Variants in POLR3B observed in about 807,000 individuals in gnomAD.
The protein encoded by POLR3B is DNA-directed RNA polymerase III subunit RPC2.
Under a neutral mutation model 147.4 loss-of-function variants are expected in POLR3B, and 96 were observed. The observed-to-expected ratio is 0.65, with a 90% CI of 0.55 to 0.77. POLR3B has a LOEUF of 0.77. POLR3B is among the 30% of genes least tolerant of loss of function. POLR3B has a pLI of 0.00. For synonymous variants in POLR3B, 461 were observed against 485.9 expected (o/e 0.95, Z 0.67); for missense variants, 1,036 against 1,413.5 (o/e 0.73, Z 4.28).
chr12:106,422,871 G>A (rs2037390127), intron 12 of POLR3B, among the ~76,000 whole-genome samples: 1 of 152,090 alleles, frequency 6.6e-6, no homozygotes, highest in Non-Finnish European at 1.5e-5. Context: ...AATTGGCATT[G>A]CATTGGAACT....
chr12:106,390,771 T>C (rs540722312), intron 9 of POLR3B, among the ~76,000 whole-genome samples: 1 of 151,688 alleles, frequency 6.6e-6, no homozygotes, highest in Non-Finnish European at 1.5e-5. Context: ...CAAAAGTTGG[T>C]ATATTAGTTA....
rs1274513738 is a variant in POLR3B at position 106,509,763 on chromosome 12, C to A, written c.*214C>A. 6.2e-6 allele frequency: 3 copies of A among 487,756 alleles called. No individual in the cohort carries two copies. Among genetic ancestry groups the A allele is most frequent in the Non-Finnish European group, 1.1e-5 (3 of 266,472 alleles). The allele number at this position is 487,756 out of a possible 1,614,324, so 30.2% of individuals were successfully genotyped here. ...CTCGAGCCATGGGAGAGATGCTGAC[C>A]ATGTGGACTGCAAGGCTGCTTGATT... On this transcript the variant is annotated 3_prime_UTR_variant, in exon 28 of 28. Coordinates refer to ENST00000228347, the MANE Select transcript of POLR3B (RefSeq NM_018082.6).
At chr12:106,413,537 C>T (rs2037257752) in intron 12 of POLR3B, among the ~76,000 whole-genome samples, 1 of 152,110 alleles carries the variant, frequency 6.6e-6, no homozygotes, top group Admixed American at 6.6e-5. Flanking sequence ...GGCACAGAAC[C>T]ATTGTAGTTC....
chr12:106,382,593 ACT>A (rs1293087238), intron 9 of POLR3B, among the ~76,000 whole-genome samples: 1 of 152,094 alleles, frequency 6.6e-6, no homozygotes, highest in African/African-American at 2.4e-5. Context: ...CTCCATCAGA[ACT>A]CTTGGTGACT....
intron 10 of POLR3B, among the ~76,000 whole-genome samples, chr12:106,404,890 A>G (rs995431826): frequency 2.6e-5 from 4 of 152,172 alleles, no homozygotes; most frequent in African/African-American, 7.2e-5. Context: ...TCTAAAATCC[A>G]TCTTAAACTA....
intron 11 of POLR3B, among the ~76,000 whole-genome samples, chr12:106,408,288 A>C (rs1194189281): frequency 2.0e-5 from 3 of 152,182 alleles, no homozygotes; most frequent in Non-Finnish European, 4.4e-5. Flanking sequence ...ACACGGGCAG[A>C]TATTCAGTAG....
chr12:106,358,710 C>T (rs886540217), intron 1 of POLR3B, among the ~76,000 whole-genome samples: 2 of 152,148 alleles, frequency 1.3e-5, no homozygotes, highest in African/African-American at 4.8e-5. Context: ...TTGAAACCTC[C>T]TCGGCAAGAC....
At chr12:106,479,473 T>C (rs2038231821) in intron 23 of POLR3B, among the ~76,000 whole-genome samples, 1 of 151,880 alleles carries the variant, frequency 6.6e-6, no homozygotes, top group Admixed American at 6.6e-5. Flanking sequence ...CTCTGCCTCC[T>C]GGGTTCATGC....
intron 12 of POLR3B, among the ~76,000 whole-genome samples, chr12:106,418,853 A>G (rs1565890397): frequency 6.6e-6 from 1 of 152,158 alleles, no homozygotes; most frequent in Non-Finnish European, 1.5e-5. Context: ...AAATTTTAGG[A>G]GTAGGAAAAT....
At chr12:106,446,215 G>C in intron 19 of POLR3B, 1 of 455,264 alleles carries the variant, frequency 2.2e-6, no homozygotes, top group Non-Finnish European at 4.4e-6. Context: ...GTGAATCCCA[G>C]CTGAAACAAT....
Position 106,363,830 on chromosome 12 carries a change from T to G in POLR3B, c.73-40T>G, listed in dbSNP as rs751807666. The G allele has an allele frequency of 3.3e-6, 5 of 1,510,836 alleles. No homozygotes were observed. In the Admixed American group the frequency reaches 8.4e-5, roughly 25 times the overall value. The allele number at this position is 1,510,836 out of a possible 1,614,324, so 93.6% of individuals were successfully genotyped here. The stretch of plus-strand genomic sequence containing the variant: ...AAATAACTTATGAAAGTACTGTTGC[T>G]GGTACAGAGTTCTGATATTCTTCTT... On this transcript the variant is annotated intron_variant, in intron 1 of 27. Transcript: ENST00000228347.
chr12:106,480,381 C>A (rs2038249104), intron 23 of POLR3B, among the ~76,000 whole-genome samples: 1 of 152,128 alleles, frequency 6.6e-6, no homozygotes, highest in South Asian at 2.1e-4. Context: ...TTGTGCCATT[C>A]AGTTTCAACA....
At chr12:106,483,629 T>C (rs1161384314) in intron 23 of POLR3B, among the ~76,000 whole-genome samples, 4 of 152,236 alleles carry the variant, frequency 2.6e-5, no homozygotes, top group Admixed American at 2.6e-4. Flanking sequence ...ATAAGAGTTC[T>C]TTTTAGATTA....
intron 12 of POLR3B, among the ~76,000 whole-genome samples, chr12:106,426,338 A>C (rs1240910181): frequency 6.7e-6 from 1 of 149,224 alleles, no homozygotes; most frequent in African/African-American, 2.5e-5. Flanking sequence ...TGCAACCTCT[A>C]CCTCCTGGGT....
At chr12:106,398,095 G>T (rs1369653417) in intron 10 of POLR3B, among the ~76,000 whole-genome samples, 1 of 152,228 alleles carries the variant, frequency 6.6e-6, no homozygotes, top group Non-Finnish European at 1.5e-5. Context: ...AAAGAAAGGG[G>T]TGACAGACGG....
At chr12:106,438,098 G>C (rs1352805553) in intron 18 of POLR3B, among the ~76,000 whole-genome samples, 1 of 151,844 alleles carries the variant, frequency 6.6e-6, no homozygotes, top group Non-Finnish European at 1.5e-5. Flanking sequence ...GTGTCCATGT[G>C]TTCTCATTGT....
intron 1 of POLR3B, among the ~76,000 whole-genome samples, chr12:106,361,992 A>G (rs563834971): frequency 1.3e-5 from 2 of 152,304 alleles, no homozygotes; most frequent in Non-Finnish European, 1.5e-5. Flanking sequence ...CCTGACTATA[A>G]CGGAATGAAG....
chr12:106,384,557 T>A (rs1423448892), intron 9 of POLR3B, among the ~76,000 whole-genome samples: 1 of 152,220 alleles, frequency 6.6e-6, no homozygotes, highest in African/African-American at 2.4e-5. Flanking sequence ...ACACTCTGCC[T>A]TCTTGTTTCA....
chr12:106,393,204 T>C, intron 10 of POLR3B, 51 bp downstream of exon 10: 2 of 1,609,806 alleles, frequency 1.2e-6, no homozygotes, highest in South Asian at 2.2e-5. Flanking sequence ...GGAGACTTAA[T>C]GCTGCTCATT....
Sources: allele counts gnomAD v4.1 joint callset (sites outside exome capture counted in the v4.1 genomes callset), GRCh38; gene constraint gnomAD v4.1.1; transcripts MANE v1.5; gene names NCBI Gene and HGNC (gene_info 2026-07-23, HGNC 2026-07-21).